The following DOCK8 variants were observed in gnomAD, a reference collection of about 807,000 sequenced individuals.
DOCK8 encodes dedicator of cytokinesis protein 8.
In DOCK8, 141 loss-of-function variants were observed where a neutral mutation model predicts 245.6. The observed-to-expected ratio is 0.57, with a 90% CI of 0.50 to 0.66. The LOEUF (loss-of-function observed/expected upper bound fraction) is 0.66, where lower values mean the gene tolerates loss of function less well. DOCK8 is among the 30% of genes least tolerant of loss of function. DOCK8 has a pLI of 0.00. For missense variants in DOCK8, 2,965 were observed against 2,603.4 expected, an observed-to-expected ratio of 1.14 and a Z score of -3.02; for synonymous variants, 1,168 against 970.2, an observed-to-expected ratio of 1.20 and a Z score of -3.79.
rs570960604 is a variant in DOCK8, at chr9:397,072, A to G, written c.3120+138A>G. 23 of 1,045,906 alleles carry G rather than the reference A, an allele frequency of 2.2e-5. No individual in the cohort carries two copies. The East Asian group carries it at 6.0e-4, about 27-fold the overall frequency. 64.8% of individuals were successfully genotyped at this position (1,045,906 alleles called of 1,614,324 possible). ...ATGACAGTTAAACGCAGTATGTTAT[A>G]CTGGACTGGACCCTGATGTGGGGCT... On this transcript the variant is annotated intron_variant, in intron 25 of 47. Coordinates refer to ENST00000432829, the MANE Select transcript of DOCK8 (RefSeq NM_203447.4).
chr9:382,171 C>T (rs540293756), intron 21 of DOCK8, among the ~76,000 whole-genome samples: 1 of 152,136 alleles, frequency 6.6e-6, no homozygotes, highest in Admixed American at 6.6e-5. Context: ...TTAAAAATAT[C>T]CACATTTTTA....
chr9:412,182 C>A (rs10974288), intron 28 of DOCK8, among the ~76,000 whole-genome samples: 3,769 of 152,120 alleles, frequency 0.025, 118 homozygotes, highest in African/African-American at 0.084. Flanking sequence ...GTGGACAGAT[C>A]GCTTTGAGCC....
intron 33 of DOCK8, among the ~76,000 whole-genome samples, chr9:422,996 A>AG (rs1474266232): frequency 6.6e-6 from 1 of 151,878 alleles, no homozygotes; most frequent in East Asian, 1.9e-4. Flanking sequence ...AAAAAAAAAA[A>AG]AAAAAAAGAA....
chr9:427,104 T>C, intron 34 of DOCK8, 123 bp downstream of exon 34: 1 of 838,216 alleles, frequency 1.2e-6, no homozygotes, highest in African/African-American at 1.7e-5. Flanking sequence ...TTTAAAAAAA[T>C]GAAGTTGAGA....
At chr9:394,178 G>C (rs1395355979) in intron 24 of DOCK8, among the ~76,000 whole-genome samples, 1 of 152,120 alleles carries the variant, frequency 6.6e-6, no homozygotes, top group Non-Finnish European at 1.5e-5. Flanking sequence ...ACTCCAACTG[G>C]AAGCCAAAGG....
chr9:445,751 A>T (rs1214228917), intron 43 of DOCK8, among the ~76,000 whole-genome samples: 1 of 139,346 alleles, frequency 7.2e-6, no homozygotes, highest in East Asian at 2.2e-4. Flanking sequence ...CTTTGTTATG[A>T]ATAAAGTTGC....
intron 20 of DOCK8, among the ~76,000 whole-genome samples, chr9:377,952 A>T (rs1015155892): frequency 6.6e-6 from 1 of 152,202 alleles, no homozygotes; most frequent in African/African-American, 2.4e-5. Context: ...GGTATAGGGC[A>T]TCTTTATTTG....
At chr9:257,470 A>G (rs925294596) in intron 1 of DOCK8, among the ~76,000 whole-genome samples, 1 of 152,134 alleles carries the variant, frequency 6.6e-6, no homozygotes, top group Non-Finnish European at 1.5e-5. Flanking sequence ...TAAGCCTGCA[A>G]CAGAATCATC....
At chr9:464,038 C>T (rs1165021307) in intron 47 of DOCK8, 121 bp from the exon 48 acceptor site, 1 of 876,308 alleles carries the variant, frequency 1.1e-6, no homozygotes, top group Non-Finnish European at 1.9e-6. Context: ...CTGAGTTGTC[C>T]ATGACTGATG....
intron 7 of DOCK8, among the ~76,000 whole-genome samples, chr9:319,983 C>G (rs2050514950): frequency 6.6e-6 from 1 of 152,356 alleles, no homozygotes; most frequent in Non-Finnish European, 1.5e-5. Flanking sequence ...CCATAACAAT[C>G]TCCCTCAAGA....
chr9:288,247 T>A (rs975205824), intron 3 of DOCK8, among the ~76,000 whole-genome samples: 2 of 152,172 alleles, frequency 1.3e-5, no homozygotes, highest in African/African-American at 4.8e-5. Flanking sequence ...GGTATCATCA[T>A]CACACCAGAG....
intron 46 of DOCK8, chr9:454,564 G>A (rs1394209887): frequency 6.6e-6 from 1 of 152,148 alleles, no homozygotes; most frequent in Non-Finnish European, 1.5e-5. Flanking sequence ...GATGCACCGG[G>A]TTCCTCTAAG....
intron 34 of DOCK8, 90 bp downstream of exon 34, chr9:427,071 A>C (rs553750618): frequency 1.8e-6 from 2 of 1,098,848 alleles, no homozygotes; most frequent in East Asian, 4.9e-5. Context: ...TGAAAGACAT[A>C]AATGTGATCC....
At chr9:413,231 A>G (rs1259672971) in intron 28 of DOCK8, among the ~76,000 whole-genome samples, 2 of 152,222 alleles carry the variant, frequency 1.3e-5, no homozygotes, top group African/African-American at 2.4e-5. Flanking sequence ...GTTGGACCCT[A>G]TATTACACTG....
At chr9:375,126 C>T (rs986644577) in intron 18 of DOCK8, among the ~76,000 whole-genome samples, 6 of 152,208 alleles carry the variant, frequency 3.9e-5, no homozygotes, top group East Asian at 1.9e-4. Flanking sequence ...GTTCCTAATA[C>T]TTCAAACAGA....
chr9:219,697 G>C (rs1316511170), intron 1 of DOCK8, among the ~76,000 whole-genome samples: 1 of 151,882 alleles, frequency 6.6e-6, no homozygotes. Flanking sequence ...AGGAGTTCGA[G>C]ACCAGCCTGG....
chr9:361,522 A>G (rs936043812), intron 14 of DOCK8, among the ~76,000 whole-genome samples: 7 of 152,088 alleles, frequency 4.6e-5, no homozygotes, highest in African/African-American at 7.2e-5. Context: ...AGATGAGGAG[A>G]TTGACTTGTT....
At chr9:299,033 C>G (rs956617527) in intron 4 of DOCK8, among the ~76,000 whole-genome samples, 40 of 151,972 alleles carry the variant, frequency 2.6e-4, no homozygotes, top group African/African-American at 9.2e-4. Flanking sequence ...TTGGATTTTT[C>G]AAGAAACATC....
At chr9:218,554 A>G (rs2046814834) in intron 1 of DOCK8, among the ~76,000 whole-genome samples, 1 of 152,172 alleles carries the variant, frequency 6.6e-6, no homozygotes, top group South Asian at 2.1e-4. Flanking sequence ...AAATGTCATA[A>G]CATGGTACTT....
Sources: allele counts gnomAD v4.1 joint callset (sites outside exome capture counted in the v4.1 genomes callset), GRCh38; gene constraint gnomAD v4.1.1; transcripts MANE v1.5; gene names NCBI Gene and HGNC (gene_info 2026-07-23, HGNC 2026-07-21).